The following SNTG1 variants were observed in gnomAD, a reference collection of about 807,000 sequenced individuals.
SNTG1 encodes the protein gamma-1-syntrophin.
A neutral mutation model predicts 74.7 loss-of-function variants in SNTG1; 39 were observed. The ratio of observed to expected loss-of-function variants is 0.52; its 90% CI spans 0.40 to 0.68. SNTG1 has a LOEUF of 0.68. Ranked by LOEUF, SNTG1 falls within the 30% of genes least tolerant of loss-of-function variation. The pLI is 0.00. For synonymous variants in SNTG1, 254 were observed against 217.1 expected (o/e 1.17, Z -1.49); for missense variants, 685 against 609.5 (o/e 1.12, Z -1.30).
chr8:50,154,714 T>C (rs1040717437), intron 1 of SNTG1, among the ~76,000 whole-genome samples: 2 of 152,098 alleles, frequency 1.3e-5, no homozygotes, highest in Admixed American at 6.6e-5. Context: ...CATCTATAAA[T>C]CACCTGGCCT....
At chr8:50,652,030 G>A (rs775216935) in intron 13 of SNTG1, among the ~76,000 whole-genome samples, 5 of 152,134 alleles carry the variant, frequency 3.3e-5, no homozygotes, top group South Asian at 2.1e-4. Context: ...GATTACAGGC[G>A]TGAGCCACCA....
rs1013488920 is a variant in SNTG1, at chr8:50,240,287, A to T, written c.-28+67652A>T. On this transcript the variant is annotated intron_variant, in intron 2 of 18. Coordinates refer to ENST00000642720, the MANE Select transcript of SNTG1 (RefSeq NM_018967.5). ...CAAGGATTCCAAGCACTTTTCTTTT[A>T]TGAAGTTGGTTTTGTATTTTTAATT... Among the ~76,000 whole-genome samples the T allele has an allele frequency of 3.5e-4, 54 of 152,300 alleles. 1 individual carries two copies. Among genetic ancestry groups the T allele is most frequent in the African/African-American group, 1.3e-3 (52 of 41,590 alleles).
chr8:50,707,332 G>A (rs998127910), intron 16 of SNTG1, among the ~76,000 whole-genome samples: 2 of 152,068 alleles, frequency 1.3e-5, no homozygotes, highest in African/African-American at 4.8e-5. Context: ...ATTCCTTAAT[G>A]TTGATAATAG....
intron 13 of SNTG1, among the ~76,000 whole-genome samples, chr8:50,628,929 C>T (rs2094976233): frequency 6.6e-6 from 1 of 152,230 alleles, no homozygotes; most frequent in Non-Finnish European, 1.5e-5. Context: ...GTGAATTCGT[C>T]TCTTGCTCCC....
At chr8:50,252,364 C>T (rs550513170) in intron 2 of SNTG1, among the ~76,000 whole-genome samples, 2 of 151,890 alleles carry the variant, frequency 1.3e-5, no homozygotes, top group Admixed American at 1.3e-4. Context: ...AAAGCTCAGA[C>T]CTAAATAAAC....
chr8:49,970,298 G>A (rs1257605571), intron 1 of SNTG1, among the ~76,000 whole-genome samples: 1 of 152,156 alleles, frequency 6.6e-6, no homozygotes, highest in South Asian at 2.1e-4. Flanking sequence ...GGGTAGTGCT[G>A]CAAACAGACA....
At chr8:50,283,119 A>G (rs1195918870) in intron 2 of SNTG1, among the ~76,000 whole-genome samples, 20 of 152,236 alleles carry the variant, frequency 1.3e-4, no homozygotes, top group Admixed American at 9.8e-4. Flanking sequence ...AAAATAAAAC[A>G]TTAAGTAATC....
At chr8:50,488,642 C>G (rs1014260233) in intron 8 of SNTG1, among the ~76,000 whole-genome samples, 4 of 152,136 alleles carry the variant, frequency 2.6e-5, no homozygotes, top group Non-Finnish European at 5.9e-5. Flanking sequence ...TCTGTTCCTG[C>G]CCCTTGAAAA....
intron 4 of SNTG1, among the ~76,000 whole-genome samples, chr8:50,414,339 G>A (rs1454711789): frequency 6.6e-6 from 1 of 152,164 alleles, no homozygotes; most frequent in Non-Finnish European, 1.5e-5. Flanking sequence ...CAAAATCTCA[G>A]AAATGGTTTT....
chr8:50,413,848 A>G (rs554673698), intron 4 of SNTG1, among the ~76,000 whole-genome samples: 2 of 152,206 alleles, frequency 1.3e-5, no homozygotes, highest in African/African-American at 4.8e-5. Context: ...TGAGTCTATC[A>G]TTTAAACTAT....
intron 1 of SNTG1, among the ~76,000 whole-genome samples, chr8:50,092,125 G>T (rs561017715): frequency 1.3e-5 from 2 of 152,266 alleles, no homozygotes; most frequent in African/African-American, 4.8e-5. Flanking sequence ...TTGCTGTTTT[G>T]TGTCCTTTAG....
intron 1 of SNTG1, among the ~76,000 whole-genome samples, chr8:49,980,181 C>A (rs1422302565): frequency 6.6e-6 from 1 of 152,176 alleles, no homozygotes; most frequent in Non-Finnish European, 1.5e-5. Context: ...CCCAGTTCTC[C>A]TCCAGCGCCT....
At chr8:50,520,885 C>A (rs181239350) in intron 9 of SNTG1, among the ~76,000 whole-genome samples, 2 of 152,004 alleles carry the variant, frequency 1.3e-5, no homozygotes, top group Admixed American at 1.3e-4. Flanking sequence ...GGATCTAGAA[C>A]GAGAAATACA....
At chr8:50,701,749 T>TG (rs2095426116) in intron 15 of SNTG1, among the ~76,000 whole-genome samples, 1 of 119,274 alleles carries the variant, frequency 8.4e-6, no homozygotes, top group African/African-American at 4.3e-5. Flanking sequence ...TTTCTTCTCC[T>TG]TCTTCTCCTT....
intron 2 of SNTG1, among the ~76,000 whole-genome samples, chr8:50,330,121 C>A (rs922138444): frequency 1.3e-5 from 2 of 152,150 alleles, no homozygotes; most frequent in African/African-American, 4.8e-5. Context: ...TGTGGTGGGA[C>A]TCAGTTGGAA....
chr8:50,530,264 G>A lies in SNTG1; in HGVS notation c.549+5G>A. Reference sequence around the variant, plus strand: ...AACTACCATCCCAACAATACAGTAAGATGACCCAGGCATAGCTCAGATTAA... The same window carrying A: ...AACTACCATCCCAACAATACAGTAAAATGACCCAGGCATAGCTCAGATTAA... On this transcript the variant is annotated splice_donor_5th_base_variant and intron_variant, in intron 10 of 18. Transcript: ENST00000642720. The A allele has an allele frequency of 1.2e-6, 2 of 1,613,366 alleles. No individual in the cohort carries two copies. Among genetic ancestry groups the A allele is most frequent in the South Asian group, 1.1e-5 (1 of 91,072 alleles).
intron 2 of SNTG1, among the ~76,000 whole-genome samples, chr8:50,290,870 G>A (rs1455408423): frequency 1.3e-5 from 2 of 151,926 alleles, no homozygotes; most frequent in Non-Finnish European, 2.9e-5. Flanking sequence ...AAGCAATTCT[G>A]CTTCAGCCCC....
At chr8:49,974,702 G>A (rs73569366) in intron 1 of SNTG1, among the ~76,000 whole-genome samples, 3,407 of 151,862 alleles carry the variant, frequency 0.022, 123 homozygotes, top group African/African-American at 0.076. Flanking sequence ...AGTACTTACA[G>A]CTATAAAATC....
At chr8:50,685,534 A>G (rs1294933739) in intron 15 of SNTG1, among the ~76,000 whole-genome samples, 6 of 152,198 alleles carry the variant, frequency 3.9e-5, no homozygotes, top group Non-Finnish European at 8.8e-5. Context: ...TCAATATTTG[A>G]ACTTGTTTGT....
Sources: gnomAD v4.1 joint callset for allele counts (sites outside exome capture counted in the v4.1 genomes callset) on GRCh38, gnomAD v4.1.1 for gene constraint, MANE v1.5 for transcripts, NCBI Gene and HGNC (gene_info 2026-07-23, HGNC 2026-07-21) for gene names.